CTNNA3: variants seen among roughly 807,000 people sequenced by gnomAD.
CTNNA3 encodes catenin alpha 3, also known as catenin alpha-3.
Under a neutral mutation model 95.7 loss-of-function variants are expected in CTNNA3, and 76 were observed. The ratio of observed to expected loss-of-function variants is 0.79; its 90% CI spans 0.66 to 0.96. The LOEUF is 0.96. Among genes scored for constraint, CTNNA3 ranks in the 40% least tolerant of loss-of-function variants. The probability of loss-of-function intolerance (pLI) is 0.00; values close to 1 mark genes in which losing one functional copy is unlikely to be tolerated. For missense variants in CTNNA3, 1,191 were observed against 1,089.8 expected, an observed-to-expected ratio of 1.09 and a Z score of -1.31; for synonymous variants, 431 against 374.4, an observed-to-expected ratio of 1.15 and a Z score of -1.74.
intron 1 of CTNNA3, among the ~76,000 whole-genome samples, chr10:67,758,329 C>T (rs796408381): frequency 0.16 from 22,383 of 139,586 alleles, 1,785 homozygotes; most frequent in African/African-American, 0.22. Flanking sequence ...TATATACACA[C>T]ACACACACAC....
intron 2 of CTNNA3, among the ~76,000 whole-genome samples, chr10:67,622,799 A>G (rs149868879): frequency 6.6e-6 from 1 of 152,338 alleles, no homozygotes; most frequent in East Asian, 1.9e-4. Flanking sequence ...TGGAGAATTC[A>G]CTTTATTAGA....
chr10:67,316,476 C>T (rs997260239), intron 5 of CTNNA3, among the ~76,000 whole-genome samples: 1 of 152,170 alleles, frequency 6.6e-6, no homozygotes. Flanking sequence ...CCACCATCAA[C>T]AAAAGCAAGG....
chr10:66,671,892 T>C lies in CTNNA3; in HGVS notation c.1282-50108A>G, dbSNP rs145717709. 3.3e-3 allele frequency among the ~76,000 whole-genome samples: 509 copies of C among 152,288 alleles called. 3 individuals carry two copies. Among genetic ancestry groups the C allele is most frequent in the African/African-American group, 0.011 (459 of 41,564 alleles). Reference sequence around the variant, plus strand: ...GATAAAATAGGATAATACATACAAGTAAATACATGTAAAGTCATGTAAATG... The same window carrying C: ...GATAAAATAGGATAATACATACAAGCAAATACATGTAAAGTCATGTAAATG... On this transcript the variant is annotated intron_variant, in intron 9 of 17. Transcript: ENST00000433211.
chr10:66,427,211 A>T (rs1033774376), intron 11 of CTNNA3, among the ~76,000 whole-genome samples: 1 of 152,054 alleles, frequency 6.6e-6, no homozygotes, highest in African/African-American at 2.4e-5. Context: ...GGAGGTAAAC[A>T]CAAGCAAAAA....
chr10:67,238,436 A>T (rs951433323), intron 5 of CTNNA3, among the ~76,000 whole-genome samples: 6 of 150,972 alleles, frequency 4.0e-5, no homozygotes, highest in Non-Finnish European at 8.8e-5. Flanking sequence ...AGCAAATACT[A>T]AACTAAAAAA....
intron 2 of CTNNA3, among the ~76,000 whole-genome samples, chr10:67,629,449 C>A (rs1009241015): frequency 6.6e-6 from 1 of 152,128 alleles, no homozygotes; most frequent in Non-Finnish European, 1.5e-5. Flanking sequence ...ACGGCAGATA[C>A]GCTGGTTTGG....
At chr10:67,316,019 G>C (rs2132538455) in intron 5 of CTNNA3, among the ~76,000 whole-genome samples, 1 of 152,200 alleles carries the variant, frequency 6.6e-6, no homozygotes, top group Middle Eastern at 3.4e-3. Context: ...CTCTTAGACT[G>C]AGTTTATTCT....
At chr10:66,920,265 A>G (rs1846720928) in intron 7 of CTNNA3, among the ~76,000 whole-genome samples, 2 of 152,212 alleles carry the variant, frequency 1.3e-5, no homozygotes, top group Admixed American at 6.5e-5. Context: ...AAAATCCTTA[A>G]AAGTTTATAA....
chr10:66,008,012 A>G (rs2078932148), intron 15 of CTNNA3, among the ~76,000 whole-genome samples: 1 of 152,040 alleles, frequency 6.6e-6, no homozygotes, highest in South Asian at 2.1e-4. Context: ...TTCTGAAAAT[A>G]GGCCTCAACG....
chr10:66,718,092 G>T (rs1397700922), intron 9 of CTNNA3, among the ~76,000 whole-genome samples: 1 of 151,702 alleles, frequency 6.6e-6, no homozygotes, highest in Non-Finnish European at 1.5e-5. Flanking sequence ...TATAGTTTCT[G>T]TGAATGTGAA....
chr10:66,800,968 T>C (rs10740259), intron 7 of CTNNA3, among the ~76,000 whole-genome samples: 129,050 of 151,128 alleles, frequency 0.85, 55,638 homozygotes, highest in East Asian at 1. Flanking sequence ...AAAATATAAT[T>C]TTTCACATAC....
intron 10 of CTNNA3, among the ~76,000 whole-genome samples, chr10:66,598,648 A>T (rs1028030547): frequency 1.3e-5 from 2 of 152,042 alleles, no homozygotes; most frequent in Non-Finnish European, 2.9e-5. Context: ...TATATTTACA[A>T]TAGCTACATA....
chr10:67,515,805 T>C (rs936034595), intron 5 of CTNNA3, among the ~76,000 whole-genome samples: 8 of 152,198 alleles, frequency 5.3e-5, no homozygotes, highest in African/African-American at 1.9e-4. Context: ...TACTTCATCT[T>C]ACAAAGGTCA....
At chr10:66,824,910 G>A (rs943398935) in intron 7 of CTNNA3, among the ~76,000 whole-genome samples, 2 of 152,022 alleles carry the variant, frequency 1.3e-5, no homozygotes, top group African/African-American at 4.8e-5. Context: ...ACATTAATGT[G>A]CTAATGCCAG....
intron 5 of CTNNA3, among the ~76,000 whole-genome samples, chr10:67,295,115 G>T (rs1839983679): frequency 1.3e-5 from 2 of 152,176 alleles, no homozygotes. Flanking sequence ...TATTTATTTA[G>T]CATTGGCTTC....
intron 7 of CTNNA3, among the ~76,000 whole-genome samples, chr10:67,065,052 A>G (rs563577238): frequency 4.7e-4 from 72 of 152,300 alleles, no homozygotes; most frequent in Admixed American, 4.7e-3. Context: ...AGTCCCATAA[A>G]GCCTCAGTAG....
intron 3 of CTNNA3, among the ~76,000 whole-genome samples, chr10:67,562,136 T>C (rs1841537345): frequency 6.6e-6 from 1 of 152,198 alleles, no homozygotes; most frequent in South Asian, 2.1e-4. Context: ...CTAACTCATT[T>C]TATGAGGTCA....
intron 7 of CTNNA3, among the ~76,000 whole-genome samples, chr10:66,982,157 G>A (rs937379672): frequency 6.6e-6 from 1 of 152,180 alleles, no homozygotes; most frequent in Non-Finnish European, 1.5e-5. Context: ...TTGCATTCTG[G>A]CAGTTTGAAC....
chr10:66,328,750 C>G (rs10762058), intron 12 of CTNNA3, among the ~76,000 whole-genome samples: 119,775 of 149,990 alleles, frequency 0.8, 48,110 homozygotes, highest in Non-Finnish European at 0.84. Flanking sequence ...TAAATCTGGT[C>G]GTATAATTTA....
Sources: allele counts gnomAD v4.1 joint callset (sites outside exome capture counted in the v4.1 genomes callset), GRCh38; gene constraint gnomAD v4.1.1; transcripts MANE v1.5; gene names NCBI Gene and HGNC (gene_info 2026-07-23, HGNC 2026-07-21).